Variants in GBE1 observed in about 807,000 individuals in gnomAD.
The protein encoded by GBE1 is 1,4-alpha-glucan branching enzyme 1, also known as 1,4-alpha-glucan-branching enzyme.
GBE1 carries 70 observed loss-of-function variants against 88.8 expected under a neutral mutation model. The ratio of observed to expected loss-of-function variants is 0.79; its 90% CI spans 0.65 to 0.96. The LOEUF (loss-of-function observed/expected upper bound fraction) is 0.96. Ranked by LOEUF, GBE1 falls within the 40% of genes least tolerant of loss-of-function variation. The pLI, the probability that GBE1 is intolerant of heterozygous loss-of-function variation, is 0.00. For synonymous variants in GBE1, 284 were observed against 300.1 expected (o/e 0.95, Z 0.56); for missense variants, 872 against 871.0 (o/e 1.00, Z -0.01).
intron 2 of GBE1, among the ~76,000 whole-genome samples, chr3:81,683,385 T>C (rs1177899990): frequency 6.6e-5 from 10 of 152,288 alleles, no homozygotes; most frequent in Admixed American, 5.2e-4. Flanking sequence ...CATAGTGAGA[T>C]ATATAAAAAT....
intron 1 of GBE1, 75 bp from the exon 2 acceptor site, chr3:81,705,688 T>C: frequency 2.2e-6 from 2 of 924,804 alleles, no homozygotes; most frequent in South Asian, 4.3e-5. Context: ...ATTAAGTAAC[T>C]GCTTTAGTCT....
At chr3:81,758,610 T>A (rs1373867978) in intron 1 of GBE1, among the ~76,000 whole-genome samples, 2 of 152,246 alleles carry the variant, frequency 1.3e-5, no homozygotes, top group Non-Finnish European at 2.9e-5. Context: ...ACTAAGATTT[T>A]GGAATTATAA....
chr3:81,535,670 T>C (rs550257030), intron 13 of GBE1, among the ~76,000 whole-genome samples: 10 of 152,216 alleles, frequency 6.6e-5, no homozygotes, highest in Middle Eastern at 3.4e-3. Context: ...GTGAATTTTC[T>C]GTAAGACTTT....
chr3:81,711,888 AT>A (rs992729217), intron 1 of GBE1, among the ~76,000 whole-genome samples: 4 of 152,112 alleles, frequency 2.6e-5, no homozygotes, highest in African/African-American at 9.7e-5. Flanking sequence ...ATGGGAGAAA[AT>A]TTTTGCAATC....
intron 6 of GBE1, among the ~76,000 whole-genome samples, chr3:81,646,009 T>C (rs1345058919): frequency 6.6e-6 from 1 of 152,148 alleles, no homozygotes; most frequent in African/African-American, 2.4e-5. Context: ...TGAGTAGTAA[T>C]TGTTGTACCA....
chr3:81,637,240 T>C (rs540970181), intron 7 of GBE1, among the ~76,000 whole-genome samples: 12 of 152,274 alleles, frequency 7.9e-5, no homozygotes, highest in Middle Eastern at 3.4e-3. Context: ...GGTACCTATA[T>C]GATGAAGTGA....
intron 5 of GBE1, among the ~76,000 whole-genome samples, chr3:81,647,766 G>A (rs1028337905): frequency 6.6e-6 from 1 of 151,996 alleles, no homozygotes; most frequent in Non-Finnish European, 1.5e-5. Context: ...TATAAACAAA[G>A]ATATTAGTTT....
chr3:81,697,385 C>T (rs1010108157), intron 2 of GBE1, among the ~76,000 whole-genome samples: 8 of 149,708 alleles, frequency 5.3e-5, no homozygotes, highest in African/African-American at 1.2e-4. Flanking sequence ...CTGCAACCTC[C>T]GTCTCCCAGG....
At chr3:81,680,821 A>G (rs577349254) in intron 2 of GBE1, among the ~76,000 whole-genome samples, 1 of 152,358 alleles carries the variant, frequency 6.6e-6, no homozygotes, top group South Asian at 2.1e-4. Flanking sequence ...TCTCTTGGTC[A>G]TGTGAGAATA....
intron 2 of GBE1, among the ~76,000 whole-genome samples, chr3:81,688,928 A>T (rs1404866735): frequency 6.6e-6 from 1 of 152,016 alleles, no homozygotes; most frequent in Non-Finnish European, 1.5e-5. Flanking sequence ...ATTAAATATC[A>T]CCATTTAAAA....
intron 7 of GBE1, among the ~76,000 whole-genome samples, chr3:81,634,393 C>T (rs1315607196): frequency 6.6e-6 from 1 of 152,200 alleles, no homozygotes; most frequent in Non-Finnish European, 1.5e-5. Context: ...AAACCACCCA[C>T]TTTATATTGT....
rs1703972065 is a variant in GBE1 at position 81,597,452 on chromosome 3, A to G, written c.993-3429T>C. Among the ~76,000 whole-genome samples the G allele has an allele frequency of 4.2e-5, 6 of 144,214 alleles. No individual in the cohort carries two copies. In the South Asian group the frequency reaches 1.3e-3, roughly 31 times the overall value. 94.6% of individuals were successfully genotyped at this position (144,214 alleles called of 152,430 possible). A position where few individuals can be genotyped will look rare whatever the true frequency, so the allele number is the denominator to read the frequency against. On this transcript the variant is annotated intron_variant, in intron 7 of 15. Transcript: ENST00000429644. ...ATATATATATATCTCAAAAATATAT[A>G]TATATCTCAAATATATATATATATC...
chr3:81,564,866 A>G (rs1435778416), intron 12 of GBE1, among the ~76,000 whole-genome samples: 2 of 152,148 alleles, frequency 1.3e-5, no homozygotes, highest in Admixed American at 1.3e-4. Context: ...TCTATGTTAT[A>G]CTTTCACAAA....
intron 14 of GBE1, among the ~76,000 whole-genome samples, chr3:81,503,844 G>C (rs769430414): frequency 3.9e-5 from 6 of 152,078 alleles, no homozygotes; most frequent in Non-Finnish European, 8.8e-5. Context: ...TTATATTTGA[G>C]ATAATTCATA....
chr3:81,682,386 C>T (rs750040347), intron 2 of GBE1, among the ~76,000 whole-genome samples: 2 of 152,042 alleles, frequency 1.3e-5, no homozygotes, highest in Non-Finnish European at 2.9e-5. Flanking sequence ...TGATTGAGCC[C>T]AGAAGGTCAA....
chr3:81,503,132 C>T (rs1471847862), intron 14 of GBE1, among the ~76,000 whole-genome samples: 1 of 152,116 alleles, frequency 6.6e-6, no homozygotes, highest in Non-Finnish European at 1.5e-5. Flanking sequence ...TATCTTTACT[C>T]CCCCATTCAT....
rs1015461017 is a variant in GBE1 at position 81,733,030 on chromosome 3, T to C, written c.144-27417A>G. 4.6e-5 allele frequency among the ~76,000 whole-genome samples: 7 copies of C among 152,180 alleles called. No homozygotes were observed. The highest frequency in any genetic ancestry group is 1.0e-4 in the Non-Finnish European group (7 of 68,026). On this transcript the variant is annotated intron_variant, in intron 1 of 15. Coordinates refer to ENST00000429644, the MANE Select transcript of GBE1 (RefSeq NM_000158.4). This position sits in a 1 kb window ranked among gnomAD's most constrained non-coding sequence, Gnocchi z 4.0. ...CACCGGTCCATGGCCTGTTAGGAATTGTGTCGCACAGCAGGAGGTGAATGG... is the reference window on the plus strand; with the variant it reads ...CACCGGTCCATGGCCTGTTAGGAATCGTGTCGCACAGCAGGAGGTGAATGG...
intron 3 of GBE1, among the ~76,000 whole-genome samples, chr3:81,660,282 A>G (rs549041339): frequency 3.0e-4 from 46 of 152,314 alleles, no homozygotes; most frequent in South Asian, 1.2e-3. Flanking sequence ...GATGATGGGA[A>G]GAAACAGTGG....
chr3:81,552,525 A>G, intron 12 of GBE1, among the ~76,000 whole-genome samples: 1 of 149,024 alleles, frequency 6.7e-6, no homozygotes, highest in South Asian at 2.1e-4. Flanking sequence ...TTATATAAAA[A>G]AAAAAAAAAA....
Sources: gnomAD v4.1 joint callset for allele counts (sites outside exome capture counted in the v4.1 genomes callset) on GRCh38, gnomAD v4.1.1 for gene constraint, Gnocchi (gnomAD v3.1) non-coding constraint, MANE v1.5 for transcripts, NCBI Gene and HGNC (gene_info 2026-07-23, HGNC 2026-07-21) for gene names.